The following INPP5D variants were observed in gnomAD, a reference collection of about 807,000 sequenced individuals.
INPP5D encodes the protein phosphatidylinositol 3,4,5-trisphosphate 5-phosphatase 1.
Under a neutral mutation model 122.9 loss-of-function variants are expected in INPP5D, and 33 were observed. The observed-to-expected ratio is 0.27, with a 90% CI of 0.20 to 0.36. The LOEUF (loss-of-function observed/expected upper bound fraction) is 0.36, where lower values mean the gene tolerates loss of function less well. INPP5D is among the 10% of genes least tolerant of loss of function. INPP5D has a pLI of 1.00. For synonymous variants in INPP5D, 584 were observed against 576.2 expected, an observed-to-expected ratio of 1.01 and a Z score of -0.19; for missense variants, 1,053 against 1,412.7, an observed-to-expected ratio of 0.75 and a Z score of 4.08.
intron 6 of INPP5D, chr2:233,145,894 T>G (rs952145633): frequency 3.2e-6 from 2 of 629,198 alleles, no homozygotes; most frequent in African/African-American, 3.6e-5. Context: ...GAGTTTTGTT[T>G]AAGCAACGGA....
intron 2 of INPP5D, among the ~76,000 whole-genome samples, chr2:233,084,896 A>G (rs1691791527): frequency 6.6e-6 from 1 of 152,212 alleles, no homozygotes; most frequent in Non-Finnish European, 1.5e-5. Context: ...TCTGACACTC[A>G]CCTTCTAGAA....
rs1691726379 is a variant in INPP5D at position 233,082,847 on chromosome 2, G to A, written c.198+3449G>A. 6.6e-6 allele frequency among the ~76,000 whole-genome samples: 1 copy of A among 152,222 alleles called. No homozygotes were observed. The highest frequency in any genetic ancestry group is 2.4e-5 in the African/African-American group (1 of 41,458). ...TGCGGAAGTTGGAACTCACAGCCAG[G>A]CCTCCCGGCCTCCCCGGCTAAGCTT... On this transcript the variant is annotated intron_variant, in intron 2 of 26. Coordinates refer to ENST00000445964, the MANE Select transcript of INPP5D (RefSeq NM_001017915.3). The surrounding 1 kb of genome is among the most constrained non-coding windows in gnomAD (Gnocchi z 4.7).
At chr2:233,127,092 TCTC>T (rs1445910732) in intron 4 of INPP5D, among the ~76,000 whole-genome samples, 2 of 152,036 alleles carry the variant, frequency 1.3e-5, no homozygotes, top group Non-Finnish European at 2.9e-5. Context: ...GCCAACTCCA[TCTC>T]CTCCTCATCA....
Position 233,163,867 on chromosome 2 carries a change from C to G in INPP5D, c.1401C>G (p.His467Gln). Residue 467 changes from histidine to glutamine, a missense_variant, in exon 12 of 27, where the codon CAC becomes CAG. Physicochemically the swap from His to Gln is conservative, Grantham distance 24 (BLOSUM62 0). Coordinates refer to ENST00000445964, the MANE Select transcript of INPP5D (RefSeq NM_001017915.3). ...SEKEWLEILK[H>Q]SLQEITSVTF... ...AGGAGTGGCTGGAGATCCTCAAACA[C>G]TCCCTGCAAGAAATCACCAGTGTGA... 1.9e-6 allele frequency: 3 copies of G among 1,613,900 alleles called. 1 individual carries two copies. The South Asian group carries it at 3.3e-5, about 18-fold the overall frequency.
intron 5 of INPP5D, among the ~76,000 whole-genome samples, chr2:233,136,693 G>A (rs1241134443): frequency 1.3e-5 from 2 of 152,304 alleles, no homozygotes; most frequent in East Asian, 3.9e-4. Flanking sequence ...AAATACAGCA[G>A]TGAATAAAAC....
At chr2:233,138,247 G>A (rs1329117797) in intron 5 of INPP5D, among the ~76,000 whole-genome samples, 5 of 147,224 alleles carry the variant, frequency 3.4e-5, no homozygotes, top group Non-Finnish European at 7.4e-5. Flanking sequence ...CTACTCAGGA[G>A]GCTGAGGCAG....
chr2:233,063,919 G>A (rs1691141972), intron 1 of INPP5D, among the ~76,000 whole-genome samples: 1 of 152,266 alleles, frequency 6.6e-6, no homozygotes, highest in Non-Finnish European at 1.5e-5. Flanking sequence ...TCGTGGGTGG[G>A]AGACATTAAG....
At chr2:233,071,128 T>A (rs977778469) in intron 1 of INPP5D, among the ~76,000 whole-genome samples, 1 of 150,238 alleles carries the variant, frequency 6.7e-6, no homozygotes, top group African/African-American at 2.5e-5. Context: ...ACAAAAAAAA[T>A]AAAAATAAAA....
intron 14 of INPP5D, chr2:233,169,821 A>G (rs1694444360): frequency 8.3e-6 from 7 of 846,392 alleles, no homozygotes; most frequent in African/African-American, 1.7e-5. Flanking sequence ...TGTACACCCA[A>G]TGTGGCCTCA....
At chr2:233,092,108 A>G (rs1692007806) in intron 2 of INPP5D, among the ~76,000 whole-genome samples, 1 of 152,198 alleles carries the variant, frequency 6.6e-6, no homozygotes, top group African/African-American at 2.4e-5. Flanking sequence ...TTCAGGGCCA[A>G]TGTTTCATAA....
At chr2:233,161,154 C>T (rs376300460) in intron 10 of INPP5D, among the ~76,000 whole-genome samples, 7 of 151,494 alleles carry the variant, frequency 4.6e-5, no homozygotes, top group Non-Finnish European at 1.0e-4. Context: ...TGCAATGATG[C>T]GATCCTGGCT....
chr2:233,201,700 T>C (rs1695345080), intron 25 of INPP5D, among the ~76,000 whole-genome samples: 1 of 152,204 alleles, frequency 6.6e-6, no homozygotes, highest in Non-Finnish European at 1.5e-5. Context: ...CAGGAAACCC[T>C]TCAGTCCTGC....
intron 25 of INPP5D, among the ~76,000 whole-genome samples, chr2:233,200,193 G>A (rs948320897): frequency 2.6e-5 from 4 of 152,222 alleles, no homozygotes; most frequent in Admixed American, 6.5e-5. Context: ...CTACGCAGCC[G>A]AGGAACAGGG....
chr2:233,075,705 C>G (rs755105685), intron 1 of INPP5D, among the ~76,000 whole-genome samples: 1 of 152,088 alleles, frequency 6.6e-6, no homozygotes, highest in South Asian at 2.1e-4. Context: ...AGCCTCCACA[C>G]CCGTGGAATA....
intron 6 of INPP5D, chr2:233,140,622 C>T (rs1693613579): frequency 6.6e-6 from 1 of 152,268 alleles, no homozygotes; most frequent in Non-Finnish European, 1.5e-5. Context: ...ATCCACCCCA[C>T]CTGAGCCTCC....
At chr2:233,087,863 C>A (rs1691893222) in intron 2 of INPP5D, among the ~76,000 whole-genome samples, 1 of 152,168 alleles carries the variant, frequency 6.6e-6, no homozygotes, top group Non-Finnish European at 1.5e-5. Context: ...TATTGACTTG[C>A]TTTTCATGCC....
At chr2:233,107,867 G>A (rs1357607872) in intron 2 of INPP5D, among the ~76,000 whole-genome samples, 1 of 152,060 alleles carries the variant, frequency 6.6e-6, no homozygotes, top group African/African-American at 2.4e-5. Flanking sequence ...CTTAAGCTTG[G>A]GCCTCTTCCC....
intron 2 of INPP5D, among the ~76,000 whole-genome samples, chr2:233,111,641 G>T (rs573407842): frequency 2.6e-5 from 4 of 152,238 alleles, no homozygotes; most frequent in Non-Finnish European, 5.9e-5. Context: ...TGTGTCCTCT[G>T]TGCACCCATC....
rs1314534578 is a variant in INPP5D, at chr2:233,137,854, ATATATATATATATATATATATATAT to A, written c.666-1987_666-1963del. Reference sequence around the variant, plus strand: ...TCACAAAAAAAAAAAAAAAAAAAAAATATATATATATATATATATATATATATATATATATATATATATACACACA... The same window carrying A: ...TCACAAAAAAAAAAAAAAAAAAAAAAATATATATATATATATATACACACA... On this transcript the variant is annotated intron_variant, in intron 5 of 26. Transcript: ENST00000445964. 5.6e-4 allele frequency among the ~76,000 whole-genome samples: 5 copies of A among 8,892 alleles called. 1 individual carries two copies. Among genetic ancestry groups the A allele is most frequent in the African/African-American group, 1.5e-3 (5 of 3,426 alleles). 5.8% of individuals were successfully genotyped at this position (8,892 alleles called of 152,430 possible). A position where few individuals can be genotyped will look rare whatever the true frequency, so the allele number is the denominator to read the frequency against.
Sources: gnomAD v4.1 joint callset for allele counts (sites outside exome capture counted in the v4.1 genomes callset) on GRCh38, gnomAD v4.1.1 for gene constraint, Gnocchi (gnomAD v3.1) non-coding constraint, MANE v1.5 for transcripts, NCBI Gene and HGNC (gene_info 2026-07-23, HGNC 2026-07-21) for gene names.